Variants in ARMC9 observed in about 807,000 individuals in gnomAD.
The protein encoded by ARMC9 is lisH domain-containing protein ARMC9.
A neutral mutation model predicts 107.0 loss-of-function variants in ARMC9; 94 were observed. The ratio of observed to expected loss-of-function variants is 0.88; its 90% CI spans 0.74 to 1.04. The LOEUF (loss-of-function observed/expected upper bound fraction) is 1.04. ARMC9 is among the 50% of genes least tolerant of loss of function. The pLI is 0.00. For missense variants in ARMC9, 942 were observed against 1,030.1 expected, an observed-to-expected ratio of 0.91 and a Z score of 1.17; for synonymous variants, 380 against 396.9, an observed-to-expected ratio of 0.96 and a Z score of 0.51.
At chr2:231,217,622 A>G (rs1316583067) in intron 5 of ARMC9, among the ~76,000 whole-genome samples, 4 of 152,044 alleles carry the variant, frequency 2.6e-5, no homozygotes, top group South Asian at 4.1e-4. Flanking sequence ...TCGAATGGCA[A>G]CCTAACAATT....
chr2:231,205,058 T>C (rs979861352), intron 1 of ARMC9, among the ~76,000 whole-genome samples: 22 of 151,836 alleles, frequency 1.4e-4, no homozygotes, highest in African/African-American at 5.1e-4. Flanking sequence ...GGCAGAAAAA[T>C]GTAAGGTTAC....
intron 21 of ARMC9, among the ~76,000 whole-genome samples, chr2:231,345,721 C>A (rs2044782808): frequency 6.6e-6 from 1 of 152,130 alleles, no homozygotes; most frequent in South Asian, 2.1e-4. Flanking sequence ...CTTTTCCTGT[C>A]TAGAGAGAAT....
chr2:231,208,418 C>G (rs2032343169), intron 3 of ARMC9, among the ~76,000 whole-genome samples, 166 bp downstream of exon 3: 1 of 152,226 alleles, frequency 6.6e-6, no homozygotes, highest in East Asian at 1.9e-4. Flanking sequence ...TTTTAAATCT[C>G]TGTACCCTCC....
intron 19 of ARMC9, among the ~76,000 whole-genome samples, chr2:231,328,693 G>T (rs773139182): frequency 1.1e-4 from 16 of 151,884 alleles, no homozygotes; most frequent in Non-Finnish European, 1.9e-4. Context: ...CTATGTGTCT[G>T]TCCCTCTACC....
chr2:231,207,934 G>A (rs1052172822), intron 2 of ARMC9, among the ~76,000 whole-genome samples, 193 bp from the exon 3 acceptor site: 1 of 152,126 alleles, frequency 6.6e-6, no homozygotes, highest in African/African-American at 2.4e-5. Flanking sequence ...ATTCTGACAG[G>A]TGTGAGGTAA....
chr2:231,249,948 C>T (rs1457639291), intron 9 of ARMC9, among the ~76,000 whole-genome samples: 3 of 103,152 alleles, frequency 2.9e-5, no homozygotes, highest in Non-Finnish European at 5.8e-5. Flanking sequence ...GGGAGACCAC[C>T]GCCCACCCGT....
intron 19 of ARMC9, among the ~76,000 whole-genome samples, chr2:231,296,583 GC>G (rs1285130968): frequency 6.6e-6 from 1 of 152,242 alleles, no homozygotes; most frequent in Non-Finnish European, 1.5e-5. Context: ...ACGAGCCTCG[GC>G]CTGTCTTCCT....
At chr2:231,283,665 AG>A (rs1334422507) in intron 17 of ARMC9, among the ~76,000 whole-genome samples, 1 of 152,040 alleles carries the variant, frequency 6.6e-6, no homozygotes, top group Non-Finnish European at 1.5e-5. Flanking sequence ...CCTAACCTCA[AG>A]TGATCCACCT....
At chr2:231,211,843 T>C (rs2032907082) in intron 3 of ARMC9, among the ~76,000 whole-genome samples, 1 of 152,146 alleles carries the variant, frequency 6.6e-6, no homozygotes, top group Admixed American at 6.5e-5. Flanking sequence ...TGATTTGTAT[T>C]TCTCTGATGT....
intron 8 of ARMC9, among the ~76,000 whole-genome samples, chr2:231,236,429 T>C (rs2035722692): frequency 6.6e-6 from 1 of 152,208 alleles, no homozygotes; most frequent in Non-Finnish European, 1.5e-5. Context: ...CTCTATAAAG[T>C]ACAATAAAAT....
chr2:231,317,540 T>A (rs920610412), intron 19 of ARMC9, among the ~76,000 whole-genome samples: 4 of 151,484 alleles, frequency 2.6e-5, no homozygotes, highest in South Asian at 2.1e-4. Context: ...TTTTTTTTTT[T>A]AAACCAAATT....
At position 231,296,560 on chromosome 2, in the gene ARMC9, G is replaced by T. The variant is rs1433531286; in HGVS notation, c.1773+307G>T. Among the ~76,000 whole-genome samples, 3 of 152,238 alleles carry T rather than the reference G, an allele frequency of 2.0e-5. No individual in the cohort carries two copies. The East Asian group carries it at 5.8e-4, about 29-fold the overall frequency. ...TGACCATTCTTCTGTGTGAGCTTTT[G>T]CTCTGAAGGGGCACGAGCCTCGGCC... is the stretch of plus-strand genomic sequence containing the variant. On this transcript the variant is annotated intron_variant, in intron 19 of 24. Transcript: ENST00000611582.
At chr2:231,260,033 A>G (rs1475181878) in intron 11 of ARMC9, among the ~76,000 whole-genome samples, 2 of 152,238 alleles carry the variant, frequency 1.3e-5, no homozygotes, top group South Asian at 2.1e-4. Context: ...TTTGAAATAT[A>G]TGTTTATTAA....
chr2:231,251,816 C>G (rs1048853824), intron 9 of ARMC9, among the ~76,000 whole-genome samples: 4 of 152,110 alleles, frequency 2.6e-5, no homozygotes, highest in African/African-American at 9.7e-5. Flanking sequence ...GCCTCAACCT[C>G]CTGGGCTCAG....
At chr2:231,276,263 T>A (rs2039739351) in intron 14 of ARMC9, among the ~76,000 whole-genome samples, 1 of 151,982 alleles carries the variant, frequency 6.6e-6, no homozygotes, top group African/African-American at 2.4e-5. Flanking sequence ...GCATTCACAT[T>A]ACTGTTTCTT....
chr2:231,239,058 G>A lies in ARMC9; in HGVS notation c.781-885G>A, dbSNP rs776669351. 8.7e-4 allele frequency among the ~76,000 whole-genome samples: 132 copies of A among 152,188 alleles called. 2 individuals are homozygous for A. Among genetic ancestry groups the A allele is most frequent in the Admixed American group, 5.9e-4 (9 of 15,278 alleles). On this transcript the variant is annotated intron_variant, in intron 8 of 24. Coordinates refer to ENST00000611582, the MANE Select transcript of ARMC9 (RefSeq NM_001352754.2). ...CCCCCAGGTGGAATCATGAAGCTGCGGAAGAGGAGACTATTTTCAATTATC... is the reference window on the plus strand; with the variant it reads ...CCCCCAGGTGGAATCATGAAGCTGCAGAAGAGGAGACTATTTTCAATTATC...
At position 231,374,740 on chromosome 2, in the gene ARMC9, A is replaced by G. The variant is rs2046144847; in HGVS notation, c.*3205A>G. ...CCTAATCCCAGCCCCAGTTTTAATA[A>G]AACTGTATTTACAAAATAGGCAGCT... On this transcript the variant is annotated 3_prime_UTR_variant, in exon 25 of 25. Coordinates refer to ENST00000611582, the MANE Select transcript of ARMC9 (RefSeq NM_001352754.2). The G allele has an allele frequency of 1.3e-5, 2 of 152,234 alleles. No homozygotes were observed. The highest frequency in any genetic ancestry group is 4.1e-4 in the South Asian group (2 of 4,832). 9.4% of individuals were successfully genotyped at this position (152,234 alleles called of 1,614,324 possible).
chr2:231,237,550 G>A lies in ARMC9; in HGVS notation c.780+2169G>A, dbSNP rs568180312. On this transcript the variant is annotated intron_variant, in intron 8 of 24. Coordinates refer to ENST00000611582, the MANE Select transcript of ARMC9 (RefSeq NM_001352754.2). ...TTTGATAGAGGTTGCTAAATTATTC[G>A]TCCTAAAATATCAACAATGTCTACT... 4.6e-5 allele frequency among the ~76,000 whole-genome samples: 7 copies of A among 151,570 alleles called. No individual in the cohort carries two copies. The East Asian group carries it at 9.7e-4, about 21-fold the overall frequency.
intron 9 of ARMC9, among the ~76,000 whole-genome samples, chr2:231,242,272 G>A (rs1233030691): frequency 6.6e-6 from 1 of 151,888 alleles, no homozygotes; most frequent in Non-Finnish European, 1.5e-5. Flanking sequence ...AAGGCACGTA[G>A]TCATGTGCTG....
Sources: gnomAD v4.1 joint callset for allele counts (sites outside exome capture counted in the v4.1 genomes callset) on GRCh38, gnomAD v4.1.1 for gene constraint, MANE v1.5 for transcripts, NCBI Gene and HGNC (gene_info 2026-07-23, HGNC 2026-07-21) for gene names.